PCDHGB3: variants seen among roughly 807,000 people sequenced by gnomAD.
PCDHGB3 encodes the protein protocadherin gamma-B3.
Under a neutral mutation model 59.2 loss-of-function variants are expected in PCDHGB3, and 40 were observed. The ratio of observed to expected loss-of-function variants is 0.68; its 90% CI spans 0.52 to 0.88. The LOEUF (loss-of-function observed/expected upper bound fraction) is 0.88, where lower values mean the gene tolerates loss of function less well. Ranked by LOEUF, PCDHGB3 falls within the 40% of genes least tolerant of loss-of-function variation. The probability of loss-of-function intolerance (pLI) is 0.00; values close to 1 mark genes in which losing one functional copy is unlikely to be tolerated. For missense variants in PCDHGB3, 1,309 were observed against 1,187.9 expected, an observed-to-expected ratio of 1.10 and a Z score of -1.50; for synonymous variants, 581 against 503.6, an observed-to-expected ratio of 1.15 and a Z score of -2.06.
chr5:141,421,885 G>T, intron 1 of PCDHGB3: 1 of 1,613,692 alleles, frequency 6.2e-7, no homozygotes, highest in Non-Finnish European at 8.5e-7. Context: ...AGATGGAGGC[G>T]ATCCCATCCG....
chr5:141,403,613 C>T lies in PCDHGB3; in HGVS notation c.2415+30804C>T, dbSNP rs769394271. On this transcript the variant is annotated intron_variant, in intron 1 of 3. Transcript: ENST00000576222. ...CACGGCCTCGGATGGCGGCGAGCCG[C>T]GTCGCTCCAGCACAGTGCGCATCCA... The T allele has an allele frequency of 3.5e-5, 56 of 1,613,778 alleles. No homozygotes were observed. Among genetic ancestry groups the T allele is most frequent in the Non-Finnish European group, 4.7e-5 (55 of 1,179,908 alleles).
intron 1 of PCDHGB3, chr5:141,392,926 A>G (rs1180746876): frequency 9.3e-6 from 15 of 1,613,946 alleles, no homozygotes; most frequent in Non-Finnish European, 1.3e-5. Context: ...GTGCCAGAAG[A>G]GACGGACAAA....
intron 1 of PCDHGB3, chr5:141,389,691 T>G: frequency 6.2e-7 from 1 of 1,612,564 alleles, no homozygotes; most frequent in Non-Finnish European, 8.5e-7. Context: ...CGCCTGGCTG[T>G]CCTACCACGT....
At position 141,374,819 on chromosome 5, in the gene PCDHGB3, G is replaced by A. The variant is rs1489932950; in HGVS notation, c.2415+2010G>A. On this transcript the variant is annotated intron_variant, in intron 1 of 3. Transcript: ENST00000576222. ...CAACACTCCAATGTTTACTCAGCCT[G>A]TCTACCGTGTAAGTGTTCCTGAAAA... 2 of 1,613,812 alleles carry A rather than the reference G, an allele frequency of 1.2e-6. 1 individual carries two copies. Among genetic ancestry groups the A allele is most frequent in the East Asian group, 4.5e-5 (2 of 44,894 alleles).
chr5:141,497,414 C>A (rs1021294577), intron 2 of PCDHGB3, among the ~76,000 whole-genome samples: 34 of 152,066 alleles, frequency 2.2e-4, no homozygotes, highest in Admixed American at 2.0e-3. Flanking sequence ...CCCATTCCAT[C>A]AAATGAGAGG....
intron 1 of PCDHGB3, chr5:141,405,082 G>C: frequency 6.2e-7 from 1 of 1,613,794 alleles, no homozygotes; most frequent in East Asian, 2.2e-5. Context: ...TCGTTATCAC[G>C]CTGCTGGCCC....
chr5:141,477,175 A>T lies in PCDHGB3; in HGVS notation c.2416-17632A>T, dbSNP rs1338347224. On this transcript the variant is annotated intron_variant, in intron 1 of 3. Transcript: ENST00000576222. This position sits in a 1 kb window ranked among gnomAD's most constrained non-coding sequence, Gnocchi z 4.9. ...TGAATGACAACGCCCCGGAGATCAC[A>T]GTCACCTCCGTGTACAGCCCAGTAC... is the stretch of plus-strand genomic sequence containing the variant. The T allele has an allele frequency of 1.2e-6, 2 of 1,614,186 alleles. No individual in the cohort carries two copies. The highest frequency in any genetic ancestry group is 3.3e-5 in the Admixed American group (2 of 60,028).
chr5:141,398,854 A>C, intron 1 of PCDHGB3: 1 of 1,613,984 alleles, frequency 6.2e-7, no homozygotes, highest in Non-Finnish European at 8.5e-7. Flanking sequence ...CCCGGTATTC[A>C]ACCGAGACGT....
chr5:141,418,759 C>T (rs527475797), intron 1 of PCDHGB3: 17 of 1,613,898 alleles, frequency 1.1e-5, no homozygotes, highest in Non-Finnish European at 1.4e-5. Flanking sequence ...CTACAGGAAA[C>T]ATTCTAACTC....
intron 1 of PCDHGB3, chr5:141,423,426 GGCAGGTA>G: frequency 1.9e-6 from 3 of 1,614,028 alleles, no homozygotes; most frequent in Non-Finnish European, 2.5e-6. Flanking sequence ...AAGGCGGGTT[GGCAGGTA>G]TGCCCACGTC....
chr5:141,511,641 A>C lies in PCDHGB3; in HGVS notation c.*468A>C. On this transcript the variant is annotated 3_prime_UTR_variant, in exon 4 of 4. Transcript: ENST00000576222. ...TCTGAAAAGTTGGAAGGGCATCATG[A>C]CCTCTTGGCCTCTCCTTTGATTCTC... 1 of 224,930 alleles carries C rather than the reference A, an allele frequency of 4.4e-6. No homozygotes were observed. The allele number at this position is 224,930 out of a possible 1,614,324, so 13.9% of individuals were successfully genotyped here. A position where few individuals can be genotyped will look rare whatever the true frequency, so the allele number is the denominator to read the frequency against.
At chr5:141,413,075 A>G (rs1013709122) in intron 1 of PCDHGB3, 4 of 1,246,610 alleles carry the variant, frequency 3.2e-6, no homozygotes, top group South Asian at 3.1e-5. Context: ...TAAAGTGCCC[A>G]GGCTACAGAG....
At chr5:141,394,373 C>T in intron 1 of PCDHGB3, 12 of 1,614,206 alleles carry the variant, frequency 7.4e-6, no homozygotes, top group Non-Finnish European at 1.0e-5. Context: ...TGCAATCTTT[C>T]GACTATGAGC....
chr5:141,388,404 C>T, intron 1 of PCDHGB3: 1 of 1,613,952 alleles, frequency 6.2e-7, no homozygotes, highest in Non-Finnish European at 8.5e-7. Context: ...CCAACTCAGT[C>T]CCAGTGATCA....
chr5:141,505,711 A>C (rs372711957), intron 3 of PCDHGB3, among the ~76,000 whole-genome samples: 17 of 152,058 alleles, frequency 1.1e-4, no homozygotes, highest in Admixed American at 2.6e-4. Context: ...CAAGGAAAAG[A>C]CTCATGGAGG....
intron 1 of PCDHGB3, chr5:141,377,740 A>G (rs1017037020): frequency 9.9e-5 from 15 of 152,232 alleles, no homozygotes; most frequent in African/African-American, 3.6e-4. Context: ...ATCATTGGTA[A>G]CTGCAGCAGG....
At chr5:141,435,994 G>T (rs1007093302) in intron 1 of PCDHGB3, among the ~76,000 whole-genome samples, 18 of 152,046 alleles carry the variant, frequency 1.2e-4, no homozygotes, top group Admixed American at 1.2e-3. Context: ...GTGATTTTTT[G>T]AAAGAAAGTA....
intron 1 of PCDHGB3, among the ~76,000 whole-genome samples, chr5:141,484,645 T>C (rs948669787): frequency 1.3e-5 from 2 of 151,970 alleles, no homozygotes; most frequent in Admixed American, 6.6e-5. Context: ...CACTCTCCAA[T>C]GGCTACTCTC....
At chr5:141,385,719 G>A (rs970031267) in intron 1 of PCDHGB3, 6 of 232,964 alleles carry the variant, frequency 2.6e-5, no homozygotes, top group Non-Finnish European at 3.6e-5. Context: ...ATATGTAAAA[G>A]GTTCTGAAAG....
Sources: allele counts gnomAD v4.1 joint callset (sites outside exome capture counted in the v4.1 genomes callset), GRCh38; gene constraint gnomAD v4.1.1; non-coding constraint Gnocchi (gnomAD v3.1); transcripts MANE v1.5; gene names NCBI Gene and HGNC (gene_info 2026-07-23, HGNC 2026-07-21).